Variants in ELAVL2 observed in about 807,000 individuals in gnomAD.
ELAVL2 encodes ELAV-like protein 2.
Under a neutral mutation model 34.6 loss-of-function variants are expected in ELAVL2, and 4 were observed. The observed-to-expected ratio is 0.12, with a 90% CI of 0.06 to 0.26. The LOEUF is 0.26. Ranked by LOEUF, ELAVL2 falls within the 10% of genes least tolerant of loss-of-function variation. The pLI is 1.00. For missense variants in ELAVL2, 432 were observed against 442.8 expected (o/e 0.98, Z 0.22); for synonymous variants, 193 against 154.8 (o/e 1.25, Z -1.83).
At chr9:23,753,827 A>C (rs2052793525) in intron 2 of ELAVL2, among the ~76,000 whole-genome samples, 1 of 152,176 alleles carries the variant, frequency 6.6e-6, no homozygotes, top group African/African-American at 2.4e-5. Context: ...TCTTATGCTG[A>C]ATTATAAAGG....
At chr9:23,817,668 TA>T (rs921457320) in intron 1 of ELAVL2, among the ~76,000 whole-genome samples, 3 of 152,052 alleles carry the variant, frequency 2.0e-5, no homozygotes, top group East Asian at 1.9e-4. Context: ...AGCTTAGAGA[TA>T]AAAAAAATTC....
intron 1 of ELAVL2, among the ~76,000 whole-genome samples, chr9:23,812,381 T>C (rs2063128233): frequency 6.6e-6 from 1 of 152,148 alleles, no homozygotes; most frequent in Admixed American, 6.5e-5. Flanking sequence ...AGCTTCAAGT[T>C]AACTAGCAGC....
chr9:23,710,697 T>C (rs1053417798), intron 3 of ELAVL2, among the ~76,000 whole-genome samples: 2 of 152,212 alleles, frequency 1.3e-5, no homozygotes, highest in Admixed American at 6.5e-5. Context: ...GTCACAGTTA[T>C]GCCTATTTAA....
chr9:23,701,315 G>C, intron 5 of ELAVL2, 64 bp downstream of exon 5: 1 of 1,548,590 alleles, frequency 6.5e-7, no homozygotes, highest in Non-Finnish European at 8.9e-7. Flanking sequence ...AAAAGTACTG[G>C]ACAGTAAACC....
chr9:23,707,875 A>G (rs1409141689), intron 3 of ELAVL2, among the ~76,000 whole-genome samples: 1 of 152,216 alleles, frequency 6.6e-6, no homozygotes, highest in Non-Finnish European at 1.5e-5. Flanking sequence ...ACCTGGGTCC[A>G]TTACAGTGTT....
intron 1 of ELAVL2, among the ~76,000 whole-genome samples, chr9:23,778,692 G>C (rs1240362420): frequency 6.6e-6 from 1 of 152,184 alleles, no homozygotes; most frequent in Non-Finnish European, 1.5e-5. Context: ...AGTACTGGGG[G>C]AGGGAGGGGG....
chr9:23,791,867 T>C (rs1588553523), intron 1 of ELAVL2, among the ~76,000 whole-genome samples: 1 of 152,322 alleles, frequency 6.6e-6, no homozygotes, highest in East Asian at 1.9e-4. Flanking sequence ...TGGTATTCTG[T>C]TATGGCAGCC....
At chr9:23,784,052 G>C in intron 1 of ELAVL2, among the ~76,000 whole-genome samples, 1 of 151,998 alleles carries the variant, frequency 6.6e-6, no homozygotes, top group East Asian at 1.9e-4. Context: ...AAAAAAATTA[G>C]CCGGGCATGG....
intron 1 of ELAVL2, among the ~76,000 whole-genome samples, chr9:23,811,358 A>C (rs755305168): frequency 1.3e-5 from 2 of 151,896 alleles, no homozygotes; most frequent in African/African-American, 2.4e-5. Flanking sequence ...ACGAAACAGT[A>C]ATGCAAATGC....
intron 2 of ELAVL2, among the ~76,000 whole-genome samples, chr9:23,753,056 T>G (rs1382607239): frequency 6.6e-6 from 1 of 152,166 alleles, no homozygotes; most frequent in South Asian, 2.1e-4. Context: ...GGTTTTGAAA[T>G]ATTGACAATC....
At chr9:23,715,946 A>C (rs577365397) in intron 3 of ELAVL2, among the ~76,000 whole-genome samples, 19 of 152,260 alleles carry the variant, frequency 1.2e-4, no homozygotes, top group Non-Finnish European at 2.1e-4. Context: ...GGACTTTCAT[A>C]CACTTCTTCA....
At chr9:23,724,989 G>A (rs1171391316) in intron 3 of ELAVL2, among the ~76,000 whole-genome samples, 1 of 151,998 alleles carries the variant, frequency 6.6e-6, no homozygotes, top group Non-Finnish European at 1.5e-5. Flanking sequence ...ATCTGCTCAA[G>A]GTAAAGGTTT....
intron 1 of ELAVL2, among the ~76,000 whole-genome samples, chr9:23,785,641 C>A (rs970441303): frequency 6.6e-6 from 1 of 152,162 alleles, no homozygotes; most frequent in African/African-American, 2.4e-5. Flanking sequence ...ACCCAAAACT[C>A]CCAGTATGAG....
upstream of ELAVL2, among the ~76,000 whole-genome samples, chr9:23,827,890 C>G (rs948726837): frequency 6.6e-6 from 1 of 152,082 alleles, no homozygotes; most frequent in Non-Finnish European, 1.5e-5. Flanking sequence ...CATGACAATA[C>G]CTGGGGCTTG....
intron 1 of ELAVL2, chr9:23,779,279 C>A (rs964148914): frequency 8.3e-5 from 82 of 985,350 alleles, no homozygotes; most frequent in Admixed American, 1.2e-4. Flanking sequence ...CAGTAGAATC[C>A]CATGAAAACC....
the ELAVL2 span, among the ~76,000 whole-genome samples, chr9:23,844,063 T>C: frequency 1.3e-5 from 2 of 152,092 alleles, no homozygotes; most frequent in Non-Finnish European, 2.9e-5. Context: ...GTTACATTTC[T>C]TTAAAATGGA....
chr9:23,755,673 A>C (rs1470197036), intron 2 of ELAVL2, among the ~76,000 whole-genome samples: 1 of 152,186 alleles, frequency 6.6e-6, no homozygotes, highest in Non-Finnish European at 1.5e-5. Flanking sequence ...TGTATTCCAC[A>C]GTTAACGCAC....
At chr9:23,808,649 C>G (rs972207442) in intron 1 of ELAVL2, among the ~76,000 whole-genome samples, 23 of 152,032 alleles carry the variant, frequency 1.5e-4, no homozygotes, top group Non-Finnish European at 2.6e-4. Context: ...TTTAAAGTGG[C>G]TACTAATAAA....
At chr9:23,811,987 C>G (rs1444649626) in intron 1 of ELAVL2, among the ~76,000 whole-genome samples, 1 of 152,130 alleles carries the variant, frequency 6.6e-6, no homozygotes, top group African/African-American at 2.4e-5. Context: ...CAAGAAAAGA[C>G]ACAGTCCTGT....
Sources: allele counts gnomAD v4.1 joint callset (sites outside exome capture counted in the v4.1 genomes callset), GRCh38; gene constraint gnomAD v4.1.1; transcripts MANE v1.5; gene names NCBI Gene and HGNC (gene_info 2026-07-23, HGNC 2026-07-21).